The following COX7B2 variants were observed in gnomAD, a reference collection of about 807,000 sequenced individuals.
The protein encoded by COX7B2 is cytochrome c oxidase subunit 7B2.
For synonymous variants in COX7B2, 37 were observed against 32.1 expected, an observed-to-expected ratio of 1.15 and a Z score of -0.51; for missense variants, 109 against 95.9, an observed-to-expected ratio of 1.14 and a Z score of -0.57.
At chr4:46,744,761 G>A (rs865933933) in intron 2 of COX7B2, among the ~76,000 whole-genome samples, 4 of 109,796 alleles carry the variant, frequency 3.6e-5, no homozygotes, top group African/African-American at 1.2e-4. Context: ...TTTTTTTTGG[G>A]AGACGGAGTC....
intron 1 of COX7B2, among the ~76,000 whole-genome samples, chr4:46,865,590 G>A (rs1238306263): frequency 2.0e-5 from 3 of 152,200 alleles, no homozygotes; most frequent in South Asian, 2.1e-4. Context: ...TTGAACAACT[G>A]CTTCCTCCTA....
chr4:46,874,257 T>C (rs149469648), intron 1 of COX7B2, among the ~76,000 whole-genome samples: 3 of 152,166 alleles, frequency 2.0e-5, no homozygotes, highest in Non-Finnish European at 4.4e-5. Flanking sequence ...GCAACATGGT[T>C]GGGAAGAAGA....
intron 2 of COX7B2, among the ~76,000 whole-genome samples, chr4:46,803,099 A>G (rs1718749336): frequency 6.6e-6 from 1 of 152,202 alleles, no homozygotes; most frequent in African/African-American, 2.4e-5. Flanking sequence ...GTCTCAGAGA[A>G]GTTAAGTCTT....
At chr4:46,812,236 C>T (rs554607075) in intron 2 of COX7B2, among the ~76,000 whole-genome samples, 38 of 152,206 alleles carry the variant, frequency 2.5e-4, no homozygotes, top group African/African-American at 7.5e-4. Flanking sequence ...CTCTCCAAAG[C>T]ACAAGAGAAT....
At chr4:46,872,890 G>T (rs1444438048) in intron 1 of COX7B2, among the ~76,000 whole-genome samples, 1 of 151,994 alleles carries the variant, frequency 6.6e-6, no homozygotes, top group Non-Finnish European at 1.5e-5. Context: ...TGCTACATAG[G>T]TATACATGCG....
At chr4:46,899,781 C>T (rs764127644) in intron 1 of COX7B2, among the ~76,000 whole-genome samples, 2 of 152,064 alleles carry the variant, frequency 1.3e-5, no homozygotes, top group Non-Finnish European at 2.9e-5. Context: ...GCATTTTTGA[C>T]ATCTTAAAAT....
chr4:46,876,124 A>C (rs1718312835), intron 1 of COX7B2, among the ~76,000 whole-genome samples: 1 of 152,146 alleles, frequency 6.6e-6, no homozygotes, highest in African/African-American at 2.4e-5. Context: ...TATGGATGCA[A>C]AGTAAACTCA....
intron 2 of COX7B2, among the ~76,000 whole-genome samples, chr4:46,783,276 GA>G (rs1431303946): frequency 7.2e-5 from 11 of 152,174 alleles, no homozygotes; most frequent in African/African-American, 2.4e-4. Context: ...AAATCCAAAA[GA>G]AGTACTTTAG....
rs148460544 is a variant in COX7B2 at position 46,805,123 on chromosome 4, G to A, written c.-50+39837C>T. ...CCAAGCCCACACCCACCCAGAACTC[G>A]CGCTGGCCTCCAAGCACCGGGCAGC... On this transcript the variant is annotated intron_variant, in intron 2 of 2. Transcript: ENST00000355591. Among the ~76,000 whole-genome samples, 885 of 152,284 alleles carry A rather than the reference G, an allele frequency of 5.8e-3. 7 individuals carry two copies. The highest frequency in any genetic ancestry group is 5.3e-3 in the African/African-American group (220 of 41,578).
At chr4:46,792,222 C>T (rs73139392) in intron 2 of COX7B2, among the ~76,000 whole-genome samples, 5,101 of 152,234 alleles carry the variant, frequency 0.034, 216 homozygotes, top group African/African-American at 0.1. Flanking sequence ...AGTACTTCTA[C>T]ATATATTGAA....
chr4:46,737,872 C>T lies in COX7B2; in HGVS notation c.-49-2631G>A, dbSNP rs528803761. ...TATTCCAACTTTGAAAACAAGACCC[C>T]AAGGTTCTCTTTTATTTCCTACCAT... On this transcript the variant is annotated intron_variant, in intron 2 of 2. Coordinates refer to ENST00000355591, the MANE Select transcript of COX7B2 (RefSeq NM_130902.3). Among the ~76,000 whole-genome samples the T allele has an allele frequency of 3.3e-5, 5 of 152,200 alleles. 1 individual carries two copies. The highest frequency in any genetic ancestry group is 2.1e-4 in the South Asian group (1 of 4,826).
chr4:46,747,457 C>A (rs1715092656), intron 2 of COX7B2, among the ~76,000 whole-genome samples: 1 of 151,944 alleles, frequency 6.6e-6, no homozygotes, highest in East Asian at 1.9e-4. Context: ...GTGTGTGCCA[C>A]CACGCCTGGC....
intron 2 of COX7B2, among the ~76,000 whole-genome samples, chr4:46,812,312 C>G (rs1245683095): frequency 6.6e-6 from 1 of 151,742 alleles, no homozygotes; most frequent in Non-Finnish European, 1.5e-5. Flanking sequence ...GTCCCAGGAG[C>G]TTGGATGTAG....
At chr4:46,866,694 C>T (rs960101309) in intron 1 of COX7B2, among the ~76,000 whole-genome samples, 1 of 152,084 alleles carries the variant, frequency 6.6e-6, no homozygotes, top group Non-Finnish European at 1.5e-5. Flanking sequence ...CATTGGCCAC[C>T]AACACAGGTC....
chr4:46,867,327 A>C (rs1397463385), intron 1 of COX7B2, among the ~76,000 whole-genome samples: 1 of 152,176 alleles, frequency 6.6e-6, no homozygotes, highest in African/African-American at 2.4e-5. Context: ...AATGGGAAAA[A>C]ATAAGGTAGG....
intron 2 of COX7B2, among the ~76,000 whole-genome samples, chr4:46,797,819 G>A (rs1427891916): frequency 6.6e-6 from 1 of 152,150 alleles, no homozygotes; most frequent in East Asian, 1.9e-4. Context: ...CATTGCTTGG[G>A]CAAATAACAC....
At chr4:46,819,307 A>G (rs1577605667) in intron 2 of COX7B2, among the ~76,000 whole-genome samples, 1 of 152,194 alleles carries the variant, frequency 6.6e-6, no homozygotes, top group Non-Finnish European at 1.5e-5. Flanking sequence ...ACAGAGGTAT[A>G]TCGACTCCTC....
At chr4:46,788,973 T>C (rs1185556166) in intron 2 of COX7B2, among the ~76,000 whole-genome samples, 1 of 152,212 alleles carries the variant, frequency 6.6e-6, no homozygotes, top group African/African-American at 2.4e-5. Flanking sequence ...TTTCCTAAAA[T>C]ATCTGCTTGT....
At chr4:46,824,084 A>G (rs1046609321) in intron 2 of COX7B2, among the ~76,000 whole-genome samples, 8 of 152,160 alleles carry the variant, frequency 5.3e-5, no homozygotes, top group East Asian at 1.9e-4. Context: ...CCTTATATCT[A>G]TTAATGAAAT....
Sources: allele counts gnomAD v4.1 joint callset (sites outside exome capture counted in the v4.1 genomes callset), GRCh38; gene constraint gnomAD v4.1.1; transcripts MANE v1.5; gene names NCBI Gene and HGNC (gene_info 2026-07-23, HGNC 2026-07-21).